The following NRXN1 variants were observed in gnomAD, a reference collection of about 807,000 sequenced individuals.
The protein encoded by NRXN1 is neurexin-1.
A neutral mutation model predicts 150.9 loss-of-function variants in NRXN1; 39 were observed. The ratio of observed to expected loss-of-function variants is 0.26; its 90% CI spans 0.20 to 0.34. The LOEUF is 0.34. Among genes scored for constraint, NRXN1 ranks in the 10% least tolerant of loss-of-function variants. The pLI, the probability that NRXN1 is intolerant of heterozygous loss-of-function variation, is 1.00. For synonymous variants in NRXN1, 924 were observed against 757.0 expected, an observed-to-expected ratio of 1.22 and a Z score of -3.62; for missense variants, 1,815 against 1,949.9, an observed-to-expected ratio of 0.93 and a Z score of 1.30.
At chr2:50,159,012 A>G (rs1174426399) in intron 18 of NRXN1, among the ~76,000 whole-genome samples, 1 of 152,120 alleles carries the variant, frequency 6.6e-6, no homozygotes, top group Non-Finnish European at 1.5e-5. Context: ...CAAGCAGAAA[A>G]TGAACAGTTG....
At chr2:50,699,820 C>G (rs1693473065) in intron 5 of NRXN1, among the ~76,000 whole-genome samples, 1 of 152,056 alleles carries the variant, frequency 6.6e-6, no homozygotes. Context: ...TAAATGTAGT[C>G]TGTTATAAGC....
chr2:50,858,671 T>C (rs183101633), intron 5 of NRXN1, among the ~76,000 whole-genome samples: 3 of 152,248 alleles, frequency 2.0e-5, no homozygotes, highest in African/African-American at 7.2e-5. Flanking sequence ...GCAGACTACT[T>C]TAAACATCTG....
intron 17 of NRXN1, among the ~76,000 whole-genome samples, chr2:50,288,224 G>A (rs1199318514): frequency 6.6e-6 from 1 of 152,014 alleles, no homozygotes; most frequent in Non-Finnish European, 1.5e-5. Context: ...TTGTCAATTG[G>A]AGAAGATTTT....
chr2:50,620,529 T>C (rs1369129303), intron 7 of NRXN1, among the ~76,000 whole-genome samples: 1 of 152,218 alleles, frequency 6.6e-6, no homozygotes, highest in African/African-American at 2.4e-5. Flanking sequence ...AGGTTAGTTT[T>C]GCTGGTGTAC....
chr2:50,124,008 T>G (rs1704223451), intron 18 of NRXN1, among the ~76,000 whole-genome samples: 1 of 151,982 alleles, frequency 6.6e-6, no homozygotes, highest in African/African-American at 2.4e-5. Context: ...GAATGGGATA[T>G]CCAGGGGAGT....
intron 17 of NRXN1, chr2:50,312,667 T>C (rs942056309): frequency 6.1e-6 from 3 of 489,220 alleles, no homozygotes; most frequent in South Asian, 4.4e-5. Flanking sequence ...TCTCAGACAG[T>C]CCATCTGATT....
At chr2:50,969,295 GCTT>G (rs1217464605) in intron 2 of NRXN1, among the ~76,000 whole-genome samples, 2 of 151,794 alleles carry the variant, frequency 1.3e-5, no homozygotes, top group African/African-American at 4.8e-5. Flanking sequence ...CTTTTCTTTT[GCTT>G]CTTCATTTCC....
At chr2:50,307,013 C>G (rs2074681603) in intron 17 of NRXN1, among the ~76,000 whole-genome samples, 1 of 152,004 alleles carries the variant, frequency 6.6e-6, no homozygotes, top group Non-Finnish European at 1.5e-5. Flanking sequence ...GAGATGGAGT[C>G]TTGCTCTGTT....
intron 9 of NRXN1, among the ~76,000 whole-genome samples, chr2:50,541,381 C>A (rs1048928615): frequency 6.6e-6 from 1 of 152,036 alleles, no homozygotes; most frequent in African/African-American, 2.4e-5. Flanking sequence ...AGTTTCCATA[C>A]CTTGGTGCAC....
intron 17 of NRXN1, among the ~76,000 whole-genome samples, chr2:50,253,334 A>T (rs2067348825): frequency 6.6e-6 from 1 of 152,158 alleles, no homozygotes; most frequent in African/African-American, 2.4e-5. Flanking sequence ...GGTTTTCTAA[A>T]TATAGGATCA....
At chr2:50,462,088 G>A (rs2088288869) in intron 17 of NRXN1, among the ~76,000 whole-genome samples, 1 of 151,858 alleles carries the variant, frequency 6.6e-6, no homozygotes, top group Non-Finnish European at 1.5e-5. Flanking sequence ...TGGACACTGA[G>A]GATATATTTG....
At chr2:50,898,508 C>T (rs1682369588) in intron 5 of NRXN1, 1 of 398,112 alleles carries the variant, frequency 2.5e-6, no homozygotes, top group Non-Finnish European at 4.9e-6. Context: ...AATTATAACA[C>T]ATTTTTATGA....
At chr2:50,728,491 T>A (rs993266655) in intron 5 of NRXN1, among the ~76,000 whole-genome samples, 1 of 152,198 alleles carries the variant, frequency 6.6e-6, no homozygotes, top group African/African-American at 2.4e-5. Flanking sequence ...AATAAATTTA[T>A]GGCTTGTTTT....
chr2:50,072,209 G>T (rs1254274190), intron 19 of NRXN1, among the ~76,000 whole-genome samples: 1 of 152,006 alleles, frequency 6.6e-6, no homozygotes. Context: ...TTCCCTCCTT[G>T]TAACACCTGC....
At chr2:50,802,920 G>T (rs1017400519) in intron 5 of NRXN1, among the ~76,000 whole-genome samples, 7 of 152,074 alleles carry the variant, frequency 4.6e-5, no homozygotes, top group Non-Finnish European at 7.4e-5. Context: ...CACAAGGAAC[G>T]ATTTCTCTGC....
rs762587232 is a variant in NRXN1, at chr2:51,027,955, T to C, written c.319A>G (p.Thr107Ala). 2.5e-6 allele frequency: 4 copies of C among 1,602,926 alleles called. No individual in the cohort carries two copies. The highest frequency in any genetic ancestry group is 2.2e-5 in the East Asian group (1 of 44,812). The change falls in exon 2 of 23, where the codon ACG (threonine) becomes GCG (alanine). Residue 107 changes from threonine to alanine, a missense_variant. Thr to Ala is a moderately conservative substitution (Grantham distance 58). Coordinates refer to ENST00000401669, the MANE Select transcript of NRXN1 (RefSeq NM_001330078.2). Reference sequence around the variant, plus strand: ...TGCCAGGCGCCGTCGTTAACCGGCGTGTCGGCCAGGAGCGTCGCAGGCTCA... The same window carrying C: ...TGCCAGGCGCCGTCGTTAACCGGCGCGTCGGCCAGGAGCGTCGCAGGCTCA... ...CAEPATLLAD[T>A]PVNDGAWHSV... is the part of the protein sequence containing the mutation.
At chr2:50,527,998 A>C (rs1187826060) in intron 12 of NRXN1, among the ~76,000 whole-genome samples, 1 of 152,188 alleles carries the variant, frequency 6.6e-6, no homozygotes, top group Non-Finnish European at 1.5e-5. Context: ...ATATCCTTTC[A>C]GATTTTCATC....
intron 21 of NRXN1, among the ~76,000 whole-genome samples, chr2:50,015,470 T>C (rs992914200): frequency 1.6e-5 from 2 of 125,678 alleles, no homozygotes; most frequent in African/African-American, 3.1e-5. Flanking sequence ...TGATTATAAA[T>C]GGTCACAGCC....
At chr2:50,069,862 T>G (rs1247307779) in intron 19 of NRXN1, among the ~76,000 whole-genome samples, 7 of 150,140 alleles carry the variant, frequency 4.7e-5, no homozygotes, top group Non-Finnish European at 8.9e-5. Context: ...TTTTTTTTTT[T>G]TTTTTTGAGA....
Sources: allele counts gnomAD v4.1 joint callset (sites outside exome capture counted in the v4.1 genomes callset), GRCh38; gene constraint gnomAD v4.1.1; transcripts MANE v1.5; gene names NCBI Gene and HGNC (gene_info 2026-07-23, HGNC 2026-07-21).